SPRR2G: variants seen among roughly 807,000 people sequenced by gnomAD.
SPRR2G encodes small proline rich protein 2G, also known as small proline-rich protein 2G.
Under a neutral mutation model 0.7 loss-of-function variants are expected in SPRR2G, and 1 was observed. The ratio of observed to expected loss-of-function variants is 1.49; its 90% CI spans 0.53 to 7.06. The LOEUF is 7.06. Among genes scored for constraint, SPRR2G ranks in the 30% most tolerant of loss-of-function variants. The pLI is 0.14. For missense variants in SPRR2G, 96 were observed against 88.5 expected, an observed-to-expected ratio of 1.09 and a Z score of -0.34; for synonymous variants, 38 against 33.9, an observed-to-expected ratio of 1.12 and a Z score of -0.42.
At chr1:153,192,954 T>G in the SPRR2G span, among the ~76,000 whole-genome samples, 11 of 152,156 alleles carry the variant, frequency 7.2e-5, no homozygotes, top group Non-Finnish European at 1.3e-4. Context: ...GGCTATGCCT[T>G]GGCAAGGAGC....
chr1:153,161,621 T>G, the SPRR2G span, among the ~76,000 whole-genome samples: 1 of 152,222 alleles, frequency 6.6e-6, no homozygotes, highest in Non-Finnish European at 1.5e-5. Flanking sequence ...CCTGTGATTT[T>G]CATGTAAGTT....
At chr1:153,185,438 A>C in the SPRR2G span, among the ~76,000 whole-genome samples, 1 of 151,042 alleles carries the variant, frequency 6.6e-6, no homozygotes, top group African/African-American at 2.4e-5. Flanking sequence ...CCTGGTTTAG[A>C]CTTGGGAGTG....
the SPRR2G span, among the ~76,000 whole-genome samples, chr1:153,169,941 G>C: frequency 6.6e-6 from 1 of 152,132 alleles, no homozygotes; most frequent in Non-Finnish European, 1.5e-5. Flanking sequence ...CCGCTTTATG[G>C]AAAGAAAGCT....
chr1:153,163,626 C>T, the SPRR2G span, among the ~76,000 whole-genome samples: 1 of 152,120 alleles, frequency 6.6e-6, no homozygotes, highest in Non-Finnish European at 1.5e-5. Flanking sequence ...GCTCTCAATC[C>T]TCTTAACCTT....
At chr1:153,168,891 T>C in the SPRR2G span, among the ~76,000 whole-genome samples, 799 of 140,820 alleles carry the variant, frequency 5.7e-3, 11 homozygotes, top group Middle Eastern at 0.022. Context: ...CTTGACTGTG[T>C]ACTCATGAGT....
chr1:153,153,878 T>C (rs1183279234), upstream of SPRR2G, among the ~76,000 whole-genome samples: 1 of 152,036 alleles, frequency 6.6e-6, no homozygotes, highest in Non-Finnish European at 1.5e-5. Context: ...ATGGCAAGAG[T>C]GAGTGTCCTT....
At chr1:153,183,425 A>G in the SPRR2G span, among the ~76,000 whole-genome samples, 11 of 151,978 alleles carry the variant, frequency 7.2e-5, no homozygotes, top group East Asian at 1.8e-3. Context: ...CTGGAGTGAG[A>G]TGGTATCTCA....
the SPRR2G span, among the ~76,000 whole-genome samples, chr1:153,195,005 T>TTTG: frequency 6.6e-6 from 1 of 152,166 alleles, no homozygotes; most frequent in African/African-American, 2.4e-5. Context: ...TCTCCTGTTT[T>TTTG]TTGCAGTGTA....
chr1:153,158,486 G>C, the SPRR2G span, among the ~76,000 whole-genome samples: 5 of 152,226 alleles, frequency 3.3e-5, no homozygotes, highest in South Asian at 1.0e-3. Flanking sequence ...CTCTGCCCCT[G>C]TGGCTCTGCA....
chr1:153,164,195 C>T, the SPRR2G span, among the ~76,000 whole-genome samples: 2 of 152,154 alleles, frequency 1.3e-5, no homozygotes, highest in African/African-American at 4.8e-5. Flanking sequence ...AAATCATTCA[C>T]AACCCAAAGA....
intron 1 of SPRR2G, 60 bp from the exon 2 acceptor site, chr1:153,150,191 A>C: frequency 6.3e-7 from 1 of 1,591,720 alleles, no homozygotes; most frequent in South Asian, 1.1e-5. Flanking sequence ...TGGAGCAATT[A>C]GCTAGGACAT....
chr1:153,174,449 A>T, the SPRR2G span: 1 of 152,260 alleles, frequency 6.6e-6, no homozygotes, highest in East Asian at 1.9e-4. Flanking sequence ...TTCTACTGCC[A>T]CAGCGACTGC....
the SPRR2G span, among the ~76,000 whole-genome samples, chr1:153,160,216 A>G: frequency 6.6e-6 from 1 of 152,248 alleles, no homozygotes; most frequent in South Asian, 2.1e-4. Flanking sequence ...AGGATCAAAC[A>G]TGTTTTTGCA....
At chr1:153,170,926 C>G in the SPRR2G span, among the ~76,000 whole-genome samples, 1 of 152,152 alleles carries the variant, frequency 6.6e-6, no homozygotes, top group Non-Finnish European at 1.5e-5. Flanking sequence ...TGAGGAAGAA[C>G]AGGGTATCAT....
At chr1:153,190,534 A>G in the SPRR2G span, 1 of 152,284 alleles carries the variant, frequency 6.6e-6, no homozygotes, top group Non-Finnish European at 1.5e-5. Context: ...TGTGATCCAA[A>G]TATGCCATAT....
the SPRR2G span, among the ~76,000 whole-genome samples, chr1:153,198,008 T>A: frequency 6.6e-6 from 1 of 152,192 alleles, no homozygotes; most frequent in East Asian, 1.9e-4. Flanking sequence ...AGAGAGTAGA[T>A]CAGGAAGTAA....
the SPRR2G span, among the ~76,000 whole-genome samples, chr1:153,193,613 G>A: frequency 2.6e-5 from 4 of 152,084 alleles, no homozygotes; most frequent in African/African-American, 4.8e-5. Context: ...TCAAGTCTCC[G>A]AAAGAGATGG....
the SPRR2G span, among the ~76,000 whole-genome samples, chr1:153,157,131 A>C: frequency 2.0e-5 from 3 of 152,244 alleles, no homozygotes; most frequent in Admixed American, 6.5e-5. Flanking sequence ...TATTGTAAGG[A>C]AAACTAGCAT....
the SPRR2G span, among the ~76,000 whole-genome samples, chr1:153,183,703 T>G: frequency 6.6e-6 from 1 of 152,238 alleles, no homozygotes; most frequent in Non-Finnish European, 1.5e-5. Context: ...TCTTTTGCTG[T>G]GCACAAGCTC....
Sources: allele counts gnomAD v4.1 joint callset (sites outside exome capture counted in the v4.1 genomes callset), GRCh38; gene constraint gnomAD v4.1.1; transcripts MANE v1.5; gene names NCBI Gene and HGNC (gene_info 2026-07-23, HGNC 2026-07-21).